ITSN1: variants seen among roughly 807,000 people sequenced by gnomAD.
ITSN1 encodes the protein intersectin 1, also known as intersectin-1.
In ITSN1, 58 loss-of-function variants were observed where a neutral mutation model predicts 239.8. That is an observed-to-expected ratio of 0.24 (90% CI 0.20 to 0.30). ITSN1 has a LOEUF of 0.30. Among genes scored for constraint, ITSN1 ranks in the 10% least tolerant of loss-of-function variants. The pLI, the probability that ITSN1 is intolerant of heterozygous loss-of-function variation, is 1.00. For missense variants in ITSN1, 1,558 were observed against 2,103.3 expected, an observed-to-expected ratio of 0.74 and a Z score of 5.07; for synonymous variants, 780 against 770.8, an observed-to-expected ratio of 1.01 and a Z score of -0.20.
chr21:33,829,586 C>T (rs2074173103), intron 26 of ITSN1, 38 bp from the exon 27 acceptor site: 2 of 1,609,998 alleles, frequency 1.2e-6, no homozygotes, highest in Admixed American at 1.7e-5. Context: ...CCTGCTGACT[C>T]TTAACAGTGC....
chr21:33,721,988 A>C (rs1333354366), intron 3 of ITSN1: 4 of 144,352 alleles, frequency 2.8e-5, no homozygotes, highest in Admixed American at 7.0e-5. Context: ...GCTCACTGCA[A>C]CCTCCCCTTC....
chr21:33,717,739 G>C (rs2065244988), intron 1 of ITSN1, among the ~76,000 whole-genome samples: 1 of 151,772 alleles, frequency 6.6e-6, no homozygotes, highest in Non-Finnish European at 1.5e-5. Flanking sequence ...TTGTGTGTGT[G>C]TGTGTTTCCA....
intron 29 of ITSN1, 139 bp from the exon 30 acceptor site, chr21:33,856,597 G>A (rs1359930295): frequency 8.9e-7 from 1 of 1,117,996 alleles, no homozygotes; most frequent in African/African-American, 1.6e-5. Flanking sequence ...CATATTACTG[G>A]GGAGGACACA....
At chr21:33,738,212 G>A (rs1400688604) in intron 5 of ITSN1, among the ~76,000 whole-genome samples, 1 of 151,812 alleles carries the variant, frequency 6.6e-6, no homozygotes, top group Non-Finnish European at 1.5e-5. Flanking sequence ...ACAAAAATCT[G>A]ACTCTGCATT....
At chr21:33,667,126 C>A (rs2089979604) in intron 1 of ITSN1, among the ~76,000 whole-genome samples, 1 of 151,726 alleles carries the variant, frequency 6.6e-6, no homozygotes, top group Admixed American at 6.6e-5. Flanking sequence ...CCACACCCAG[C>A]CTATTTGCTT....
At chr21:33,819,409 A>G (rs2073505350) in intron 24 of ITSN1, 86 bp downstream of exon 24, 1 of 938,990 alleles carries the variant, frequency 1.1e-6, no homozygotes, top group Non-Finnish European at 1.7e-6. Flanking sequence ...TCATCTTAAG[A>G]TAGACTGCAT....
chr21:33,714,433 A>G lies in ITSN1; in HGVS notation c.-32-4364A>G, dbSNP rs139968896. ...AGTGAGGTGAAGGCTTTTGGAGGGT[A>G]GAGATTCACCTAGGGTGAGAATTAT... On this transcript the variant is annotated intron_variant, in intron 1 of 39. Transcript: ENST00000381318. Among the ~76,000 whole-genome samples the G allele has an allele frequency of 1.5e-3, 228 of 152,302 alleles. 1 individual carries two copies. The highest frequency in any genetic ancestry group is 5.2e-3 in the African/African-American group (217 of 41,576).
chr21:33,652,975 A>T (rs1418044597), intron 1 of ITSN1, among the ~76,000 whole-genome samples: 1 of 151,700 alleles, frequency 6.6e-6, no homozygotes, highest in Non-Finnish European at 1.5e-5. Flanking sequence ...TAATCCACTT[A>T]AAGTACTGTG....
At chr21:33,857,228 G>A (rs1331392445) in intron 30 of ITSN1, among the ~76,000 whole-genome samples, 2 of 152,176 alleles carry the variant, frequency 1.3e-5, no homozygotes, top group Non-Finnish European at 2.9e-5. Flanking sequence ...CTCCTGGCCC[G>A]CAGTGTTGGC....
chr21:33,762,083 G>T, intron 9 of ITSN1, 97 bp downstream of exon 9: 1 of 838,718 alleles, frequency 1.2e-6, no homozygotes, highest in South Asian at 1.4e-5. Context: ...TTTTATGGGG[G>T]AATATGTAGA....
At chr21:33,853,381 C>T (rs1035700616) in intron 29 of ITSN1, among the ~76,000 whole-genome samples, 1 of 152,216 alleles carries the variant, frequency 6.6e-6, no homozygotes, top group African/African-American at 2.4e-5. Context: ...CAGGAGGCCA[C>T]GCAGCAGCCC....
intron 31 of ITSN1, among the ~76,000 whole-genome samples, chr21:33,863,981 C>T (rs1432668381): frequency 1.3e-5 from 2 of 152,272 alleles, no homozygotes; most frequent in Non-Finnish European, 1.5e-5. Context: ...TGACTGCTCA[C>T]ACCACATCAT....
intron 1 of ITSN1, among the ~76,000 whole-genome samples, chr21:33,717,578 C>G (rs535213233): frequency 1.3e-5 from 2 of 151,978 alleles, no homozygotes; most frequent in Non-Finnish European, 2.9e-5. Flanking sequence ...TTTTTTGAGA[C>G]GGAGTCTGGC....
Position 33,873,810 on chromosome 21 carries a change from T to G in ITSN1, c.4174-1544T>G, listed in dbSNP as rs1161192239. On this transcript the variant is annotated intron_variant, in intron 33 of 39. Transcript: ENST00000381318. ...TTGCTTCAACCTGGGAGGCAGAGGTTGCAGTGAGATGAGATCGTGCCACTG... is the reference window on the plus strand; with the variant it reads ...TTGCTTCAACCTGGGAGGCAGAGGTGGCAGTGAGATGAGATCGTGCCACTG... 2.0e-5 allele frequency among the ~76,000 whole-genome samples: 3 copies of G among 152,068 alleles called. No individual in the cohort carries two copies. The East Asian group carries it at 5.8e-4, about 29-fold the overall frequency.
intron 29 of ITSN1, 24 bp downstream of exon 29, chr21:33,836,656 G>A (rs761697642): frequency 1.3e-5 from 21 of 1,580,090 alleles, no homozygotes; most frequent in South Asian, 7.8e-5. Flanking sequence ...TGGCTCTGTC[G>A]CCTCGCCTCT....
Position 33,702,110 on chromosome 21 carries a change from T to TAAACA in ITSN1, c.-32-16687_-32-16686insAAACA, listed in dbSNP as rs1568974909. Among the ~76,000 whole-genome samples the TAAACA allele has an allele frequency of 3.2e-3, 361 of 112,272 alleles. 23 individuals carry two copies. The highest frequency in any genetic ancestry group is 2.9e-3 in the Non-Finnish European group (164 of 56,430). 73.7% of individuals were successfully genotyped at this position (112,272 alleles called of 152,430 possible). ...ACAAAAAAATTTTTTTTTTTTTTTT[T>TAAACA]TTTTTTTTTTTTTTTTTTTTTTTTA... is the stretch of plus-strand genomic sequence containing the variant. On this transcript the variant is annotated intron_variant, in intron 1 of 39. Transcript: ENST00000381318.
intron 1 of ITSN1, among the ~76,000 whole-genome samples, chr21:33,681,851 T>G (rs970025363): frequency 6.6e-6 from 1 of 151,524 alleles, no homozygotes; most frequent in African/African-American, 2.4e-5. Flanking sequence ...TTTTGTATTT[T>G]TAGTAGAGGG....
chr21:33,810,159 A>T (rs1439410531), intron 20 of ITSN1, among the ~76,000 whole-genome samples: 5 of 152,230 alleles, frequency 3.3e-5, no homozygotes, highest in Admixed American at 3.3e-4. Flanking sequence ...CTCATAAAAT[A>T]GTAGGGACAA....
At chr21:33,656,762 G>C (rs543749538) in intron 1 of ITSN1, among the ~76,000 whole-genome samples, 1,599 of 152,270 alleles carry the variant, frequency 0.011, 17 homozygotes, top group African/African-American at 0.021. Context: ...CCAGGCTGGA[G>C]CGCAATCGTG....
Sources: gnomAD v4.1 joint callset for allele counts (sites outside exome capture counted in the v4.1 genomes callset) on GRCh38, gnomAD v4.1.1 for gene constraint, MANE v1.5 for transcripts, NCBI Gene and HGNC (gene_info 2026-07-23, HGNC 2026-07-21) for gene names.